Variants in SLC9A9 observed in about 807,000 individuals in gnomAD.
The protein encoded by SLC9A9 is sodium/hydrogen exchanger 9.
SLC9A9 carries 62 observed loss-of-function variants against 77.8 expected under a neutral mutation model. The observed-to-expected ratio is 0.80, with a 90% CI of 0.65 to 0.98. The LOEUF is 0.98. SLC9A9 is among the 50% of genes least tolerant of loss of function. SLC9A9 has a pLI of 0.00. For missense variants in SLC9A9, 775 were observed against 774.9 expected (o/e 1.00, Z 0.00); for synonymous variants, 320 against 283.5 (o/e 1.13, Z -1.29).
intron 14 of SLC9A9, among the ~76,000 whole-genome samples, chr3:143,322,209 G>T (rs769898164): frequency 6.6e-6 from 1 of 152,202 alleles, no homozygotes; most frequent in Non-Finnish European, 1.5e-5. Flanking sequence ...GTGTCTGTGA[G>T]GGTGTTTCTG....
chr3:143,424,776 T>C (rs2034372945), intron 12 of SLC9A9, among the ~76,000 whole-genome samples: 3 of 150,734 alleles, frequency 2.0e-5, no homozygotes, highest in African/African-American at 7.3e-5. Context: ...GGGAGAGGAG[T>C]GAGGTGGTTA....
At chr3:143,594,057 T>C (rs1446201205) in intron 6 of SLC9A9, among the ~76,000 whole-genome samples, 2 of 152,074 alleles carry the variant, frequency 1.3e-5, no homozygotes, top group African/African-American at 4.8e-5. Context: ...TTATTTACAT[T>C]AAAATGTTCA....
intron 2 of SLC9A9, among the ~76,000 whole-genome samples, chr3:143,797,382 C>T (rs2008414866): frequency 6.6e-6 from 1 of 152,098 alleles, no homozygotes; most frequent in Non-Finnish European, 1.5e-5. Flanking sequence ...TTGGGTTTTA[C>T]TTAAATGTCA....
intron 11 of SLC9A9, among the ~76,000 whole-genome samples, chr3:143,470,999 C>A (rs1405444830): frequency 2.6e-5 from 4 of 152,102 alleles, no homozygotes; most frequent in African/African-American, 9.7e-5. Flanking sequence ...AAAGTACAGC[C>A]ACTATCTCGT....
chr3:143,828,299 C>T (rs1447702872), intron 2 of SLC9A9, among the ~76,000 whole-genome samples: 1 of 152,104 alleles, frequency 6.6e-6, no homozygotes, highest in Non-Finnish European at 1.5e-5. Flanking sequence ...GCCATATGTG[C>T]TCTGCCAAGA....
intron 15 of SLC9A9, 61 bp downstream of exon 15, chr3:143,268,814 A>G: frequency 1.5e-6 from 2 of 1,353,318 alleles, no homozygotes; most frequent in South Asian, 2.3e-5. Context: ...GCTCATCGAT[A>G]TTCACCAAGT....
chr3:143,480,996 C>T (rs1297307767), intron 11 of SLC9A9, among the ~76,000 whole-genome samples: 1 of 152,100 alleles, frequency 6.6e-6, no homozygotes, highest in East Asian at 1.9e-4. Flanking sequence ...AATCTTTTTT[C>T]CTAAGCTGAA....
intron 11 of SLC9A9, among the ~76,000 whole-genome samples, chr3:143,484,524 C>G (rs2035625871): frequency 6.6e-6 from 1 of 152,170 alleles, no homozygotes; most frequent in Non-Finnish European, 1.5e-5. Flanking sequence ...TCACCTGATT[C>G]ATCACCTGAT....
chr3:143,792,533 C>A (rs566031752), intron 4 of SLC9A9, among the ~76,000 whole-genome samples: 2 of 152,282 alleles, frequency 1.3e-5, no homozygotes, highest in South Asian at 4.1e-4. Context: ...CATTTGACCT[C>A]TCCTGTGTTA....
At chr3:143,315,793 C>T (rs139793802) in intron 14 of SLC9A9, among the ~76,000 whole-genome samples, 46 of 152,312 alleles carry the variant, frequency 3.0e-4, no homozygotes, top group African/African-American at 1.0e-3. Flanking sequence ...TTTAATGCTT[C>T]CCTGGGGTAA....
At chr3:143,623,818 A>T (rs1336851812) in intron 6 of SLC9A9, among the ~76,000 whole-genome samples, 2 of 152,186 alleles carry the variant, frequency 1.3e-5, no homozygotes, top group Non-Finnish European at 2.9e-5. Flanking sequence ...AAATCAATGA[A>T]TCCAGGAGCT....
At chr3:143,388,656 C>T (rs913569659) in intron 12 of SLC9A9, among the ~76,000 whole-genome samples, 2 of 151,984 alleles carry the variant, frequency 1.3e-5, no homozygotes, top group Admixed American at 1.3e-4. Context: ...ATGTGTGCAC[C>T]CTACATTGAG....
chr3:143,481,929 T>C (rs911398682), intron 11 of SLC9A9, among the ~76,000 whole-genome samples: 1 of 152,186 alleles, frequency 6.6e-6, no homozygotes, highest in East Asian at 1.9e-4. Flanking sequence ...TCCATTTATG[T>C]TTCCTTTCTG....
intron 1 of SLC9A9, among the ~76,000 whole-genome samples, chr3:143,842,747 T>C (rs1003516749): frequency 7.2e-5 from 11 of 152,220 alleles, no homozygotes; most frequent in Admixed American, 7.2e-4. Flanking sequence ...GAGCACTCCT[T>C]GCAAAATCAG....
At chr3:143,434,646 C>A (rs745735091) in intron 12 of SLC9A9, among the ~76,000 whole-genome samples, 1 of 152,086 alleles carries the variant, frequency 6.6e-6, no homozygotes, top group Non-Finnish European at 1.5e-5. Context: ...CCGGCCCATC[C>A]CCCCCATCTC....
chr3:143,789,782 T>C lies in SLC9A9; in HGVS notation c.533+5219A>G, dbSNP rs1027847851. Among the ~76,000 whole-genome samples the C allele has an allele frequency of 2.0e-5, 3 of 152,274 alleles. No individual in the cohort carries two copies. The South Asian group carries it at 6.2e-4, about 32-fold the overall frequency. ...ACAGCCCCCTCACTCCTATGCCTCA[T>C]GGACAGATGGGTAGAGGTGTCAGGC... On this transcript the variant is annotated intron_variant, in intron 4 of 15. Coordinates refer to ENST00000316549, the MANE Select transcript of SLC9A9 (RefSeq NM_173653.4).
At chr3:143,713,871 T>C (rs774572363) in intron 4 of SLC9A9, among the ~76,000 whole-genome samples, 3 of 152,208 alleles carry the variant, frequency 2.0e-5, no homozygotes, top group Non-Finnish European at 4.4e-5. Flanking sequence ...AAGAGGAAGA[T>C]GGGAAAATGT....
intron 12 of SLC9A9, among the ~76,000 whole-genome samples, chr3:143,440,631 T>G (rs1240668883): frequency 1.3e-5 from 2 of 152,214 alleles, no homozygotes; most frequent in African/African-American, 4.8e-5. Flanking sequence ...TATGAGCCTG[T>G]CTGTGTTAGC....
chr3:143,537,476 C>T (rs1173095106), intron 9 of SLC9A9, among the ~76,000 whole-genome samples: 2 of 152,242 alleles, frequency 1.3e-5, no homozygotes, highest in Admixed American at 1.3e-4. Flanking sequence ...TGCCACCTGC[C>T]ACCTGCAATT....
Sources: allele counts gnomAD v4.1 joint callset (sites outside exome capture counted in the v4.1 genomes callset), GRCh38; gene constraint gnomAD v4.1.1; transcripts MANE v1.5; gene names NCBI Gene and HGNC (gene_info 2026-07-23, HGNC 2026-07-21).